RUNX2: variants seen among roughly 807,000 people sequenced by gnomAD.
RUNX2 encodes the protein runt-related transcription factor 2.
A neutral mutation model predicts 51.7 loss-of-function variants in RUNX2; 10 were observed. That is an observed-to-expected ratio of 0.19 (90% CI 0.12 to 0.33). The LOEUF (loss-of-function observed/expected upper bound fraction) is 0.33. RUNX2 is among the 10% of genes least tolerant of loss of function. RUNX2 has a pLI of 1.00. For synonymous variants in RUNX2, 276 were observed against 273.6 expected, an observed-to-expected ratio of 1.01 and a Z score of -0.09; for missense variants, 562 against 691.3, an observed-to-expected ratio of 0.81 and a Z score of 2.10.
chr6:45,421,793 CGATTCGCAGGCTCGA>C (rs1383481946), intron 2 of RUNX2: 1 of 152,106 alleles, frequency 6.6e-6, no homozygotes, highest in African/African-American at 2.4e-5. Flanking sequence ...GCAGCGGCTG[CGATTCGCAGGCTCGA>C]GATTCGTTGC....
rs1445706105 is a variant in RUNX2, at chr6:45,547,216, G to A, written c.1477G>A (p.Gly493Ser). ...LNPNLPNQND[G>S]VDADGSHSSS... ...TCCAAATTTGCCTAACCAGAATGAT[G>A]GTGTTGACGCTGATGGAAGCCACAG... is the stretch of plus-strand genomic sequence containing the variant. Residue 493 changes from glycine to serine, a missense_variant, in exon 9 of 9, where the codon GGT (glycine) becomes AGT (serine). Transcript: ENST00000647337. The A allele has an allele frequency of 1.2e-6, 2 of 1,614,066 alleles. No homozygotes were observed. Among genetic ancestry groups the A allele is most frequent in the Non-Finnish European group, 1.7e-6 (2 of 1,180,014 alleles).
chr6:45,521,430 C>T (rs1422177860), intron 7 of RUNX2, among the ~76,000 whole-genome samples: 1 of 152,198 alleles, frequency 6.6e-6, no homozygotes, highest in Non-Finnish European at 1.5e-5. Context: ...TTGCTGCTAA[C>T]AGTTAGTAAC....
At chr6:45,425,934 A>G (rs1193954463) in intron 3 of RUNX2, among the ~76,000 whole-genome samples, 1 of 152,178 alleles carries the variant, frequency 6.6e-6, no homozygotes, top group Non-Finnish European at 1.5e-5. Flanking sequence ...GAAGTCTGAT[A>G]TTCAAATCAA....
Position 45,546,944 on chromosome 6 carries a change from C to T in RUNX2, c.1205C>T (p.Pro402Leu), listed in dbSNP as rs770452837. 3 of 1,614,012 alleles carry T rather than the reference C, an allele frequency of 1.9e-6. No individual in the cohort carries two copies. The highest frequency in any genetic ancestry group is 2.5e-6 in the Non-Finnish European group (3 of 1,180,010). Residue 402 changes from proline (P) to leucine (L), a missense_variant, in exon 9 of 9, where the codon CCG becomes CTG. By Grantham distance (98) the Pro-to-Leu change is moderately conservative (BLOSUM62 -3). Coordinates refer to ENST00000647337, the MANE Select transcript of RUNX2 (RefSeq NM_001024630.4). ...TATCCAGCCACCTTTACTTACACCC[C>T]GCCAGTCACCTCAGGCATGTCCCTC... ...MHYPATFTYT[P>L]PVTSGMSLGM...
At chr6:45,374,789 G>A (rs149602145) in intron 2 of RUNX2, among the ~76,000 whole-genome samples, 1 of 152,108 alleles carries the variant, frequency 6.6e-6, no homozygotes, top group Non-Finnish European at 1.5e-5. Context: ...GCTGCTAAAG[G>A]TTTATATTCA....
intron 5 of RUNX2, among the ~76,000 whole-genome samples, chr6:45,487,873 A>G (rs1800331530): frequency 6.6e-6 from 1 of 152,190 alleles, no homozygotes; most frequent in South Asian, 2.1e-4. Flanking sequence ...AGATAATTAT[A>G]GATTGTGGTG....
intron 2 of RUNX2, among the ~76,000 whole-genome samples, chr6:45,347,554 T>C (rs1309284295): frequency 6.6e-6 from 1 of 152,104 alleles, no homozygotes; most frequent in Admixed American, 6.5e-5. Context: ...TTAATAAACA[T>C]AAATGCAGCA....
chr6:45,511,644 C>T (rs1801155437), intron 6 of RUNX2, among the ~76,000 whole-genome samples: 1 of 152,206 alleles, frequency 6.6e-6, no homozygotes, highest in East Asian at 1.9e-4. Flanking sequence ...CATTCTCATT[C>T]CTGCCCTTAT....
At chr6:45,351,198 C>CA (rs1167315155) in intron 2 of RUNX2, among the ~76,000 whole-genome samples, 2 of 151,918 alleles carry the variant, frequency 1.3e-5, no homozygotes, top group Non-Finnish European at 2.9e-5. Flanking sequence ...AAGATACATA[C>CA]AAAAAAATTA....
At chr6:45,354,361 A>T (rs1208044180) in intron 2 of RUNX2, among the ~76,000 whole-genome samples, 1 of 152,212 alleles carries the variant, frequency 6.6e-6, no homozygotes, top group African/African-American at 2.4e-5. Flanking sequence ...TTGCCAAAAA[A>T]GCACAGTAAT....
intron 2 of RUNX2, among the ~76,000 whole-genome samples, chr6:45,340,278 G>A (rs1209656456): frequency 6.6e-6 from 1 of 152,024 alleles, no homozygotes; most frequent in African/African-American, 2.4e-5. Context: ...AAGAGATTAA[G>A]AAAAAATAAA....
chr6:45,397,404 C>G (rs1368061321), intron 2 of RUNX2, among the ~76,000 whole-genome samples: 1 of 152,086 alleles, frequency 6.6e-6, no homozygotes, highest in African/African-American at 2.4e-5. Flanking sequence ...CAACCATGCC[C>G]GGCATATATT....
intron 2 of RUNX2, among the ~76,000 whole-genome samples, chr6:45,331,504 C>A (rs1787502997): frequency 6.6e-6 from 1 of 151,804 alleles, no homozygotes. Flanking sequence ...AACTAGGGAG[C>A]AGAATTACAA....
At position 45,394,058 on chromosome 6, in the gene RUNX2, G is replaced by A. The variant is rs183601466; in HGVS notation, c.59-28535G>A. ...CTCCTGAGTAGCTGGGATTAGAGGC[G>A]TGCACCACCATGCCCAGCTAATTTT... On this transcript the variant is annotated intron_variant, in intron 2 of 8. Transcript: ENST00000647337. Among the ~76,000 whole-genome samples the A allele has an allele frequency of 5.9e-5, 9 of 151,702 alleles. No homozygotes were observed. The East Asian group carries it at 1.2e-3, about 20-fold the overall frequency.
intron 7 of RUNX2, among the ~76,000 whole-genome samples, chr6:45,518,912 G>A (rs1357406367): frequency 6.6e-6 from 1 of 152,142 alleles, no homozygotes; most frequent in Non-Finnish European, 1.5e-5. Flanking sequence ...TGAGAAGAGG[G>A]GGCGCAGTTT....
At chr6:45,541,571 G>T (rs966824378) in intron 7 of RUNX2, among the ~76,000 whole-genome samples, 2 of 152,134 alleles carry the variant, frequency 1.3e-5, no homozygotes, top group Admixed American at 6.5e-5. Flanking sequence ...CATTTAAAAG[G>T]CCCCAATGAA....
chr6:45,448,709 C>T (rs1045079282), intron 5 of RUNX2, among the ~76,000 whole-genome samples: 1 of 152,142 alleles, frequency 6.6e-6, no homozygotes, highest in African/African-American at 2.4e-5. Flanking sequence ...TCTCATTTAC[C>T]TCCTTGGAGT....
Position 45,550,091 on chromosome 6 carries a change from A to G in RUNX2, c.*2786A>G, listed in dbSNP as rs886061507. On this transcript the variant is annotated 3_prime_UTR_variant, in exon 9 of 9. Coordinates refer to ENST00000647337, the MANE Select transcript of RUNX2 (RefSeq NM_001024630.4). ...AAGACCAAAGCAAAGTCTTACTACT[A>G]CTGTGGAACCATGTACTAGTTCCTG... 2 of 150,266 alleles carry G rather than the reference A, an allele frequency of 1.3e-5. No homozygotes were observed. The highest frequency in any genetic ancestry group is 1.9e-4 in the East Asian group (1 of 5,134). 9.3% of individuals were successfully genotyped at this position (150,266 alleles called of 1,614,324 possible).
chr6:45,358,991 A>C (rs2150236880), intron 2 of RUNX2, among the ~76,000 whole-genome samples: 2 of 152,246 alleles, frequency 1.3e-5, no homozygotes, highest in Middle Eastern at 6.8e-3. Flanking sequence ...CCATATAACT[A>C]AGGATTTTCA....
Sources: allele counts gnomAD v4.1 joint callset (sites outside exome capture counted in the v4.1 genomes callset), GRCh38; gene constraint gnomAD v4.1.1; transcripts MANE v1.5; gene names NCBI Gene and HGNC (gene_info 2026-07-23, HGNC 2026-07-21).